DPP10: variants seen among roughly 807,000 people sequenced by gnomAD.
DPP10 encodes the protein inactive dipeptidyl peptidase 10.
Under a neutral mutation model 120.9 loss-of-function variants are expected in DPP10, and 33 were observed. The observed-to-expected ratio is 0.27, with a 90% CI of 0.21 to 0.37. DPP10 has a LOEUF of 0.37. Ranked by LOEUF, DPP10 falls within the 10% of genes least tolerant of loss-of-function variation. The pLI, the probability that DPP10 is intolerant of heterozygous loss-of-function variation, is 1.00. For missense variants in DPP10, 816 were observed against 942.8 expected, an observed-to-expected ratio of 0.87 and a Z score of 1.76; for synonymous variants, 337 against 326.1, an observed-to-expected ratio of 1.03 and a Z score of -0.36.
In DPP10 at chr2:115,324,208, G is replaced by A. The variant is rs768572934; in HGVS notation, c.175+14855G>A. Reference sequence around the variant, plus strand: ...GGAGAATCACTTGAACCCAGGAGGTGGAGGTTGCAGTGAGCTGAGATCGCA... The same window carrying A: ...GGAGAATCACTTGAACCCAGGAGGTAGAGGTTGCAGTGAGCTGAGATCGCA... On this transcript the variant is annotated intron_variant, in intron 2 of 25. Coordinates refer to ENST00000410059, the MANE Select transcript of DPP10 (RefSeq NM_020868.6). Among the ~76,000 whole-genome samples the A allele has an allele frequency of 1.7e-4, 26 of 152,226 alleles. 1 individual carries two copies. The highest frequency in any genetic ancestry group is 3.4e-3 in the Middle Eastern group (1 of 294).
chr2:114,546,741 G>T (rs1055232294), intron 1 of DPP10, among the ~76,000 whole-genome samples: 2 of 152,202 alleles, frequency 1.3e-5, no homozygotes, highest in Non-Finnish European at 2.9e-5. Context: ...TTGAGGCTCT[G>T]TATGAGTCTG....
intron 1 of DPP10, among the ~76,000 whole-genome samples, chr2:115,109,328 G>C (rs1365345297): frequency 6.6e-6 from 1 of 152,102 alleles, no homozygotes; most frequent in Non-Finnish European, 1.5e-5. Context: ...ACGACGTCAG[G>C]AGATCGAGAC....
chr2:115,650,410 AG>A (rs55765727), intron 5 of DPP10, among the ~76,000 whole-genome samples: 62,366 of 129,682 alleles, frequency 0.48, 16,093 homozygotes, highest in Non-Finnish European at 0.61. Context: ...GCATGGGGAA[AG>A]GGGGGGGGGG....
chr2:115,253,124 G>A (rs1396247828), intron 1 of DPP10, among the ~76,000 whole-genome samples: 1 of 152,130 alleles, frequency 6.6e-6, no homozygotes, highest in Non-Finnish European at 1.5e-5. Context: ...GGAAGAAGGT[G>A]AAGCAGGAGC....
intron 1 of DPP10, among the ~76,000 whole-genome samples, chr2:115,017,484 C>T (rs553092348): frequency 6.6e-6 from 1 of 152,160 alleles, no homozygotes; most frequent in Non-Finnish European, 1.5e-5. Flanking sequence ...ACCATTTGAC[C>T]CAGCCATTCC....
chr2:115,777,254 G>A lies in DPP10; in HGVS notation c.1268G>A (p.Trp423Ter). 1.2e-6 allele frequency: 2 copies of A among 1,613,160 alleles called. No homozygotes were observed. The highest frequency in any genetic ancestry group is 1.3e-5 in the African/African-American group (1 of 74,960). The change falls in exon 14 of 26, where the codon TGG becomes TAG. Residue 423 changes from tryptophan to a stop codon, truncating the protein, a stop_gained. Coordinates refer to ENST00000410059, the MANE Select transcript of DPP10 (RefSeq NM_020868.6). LOFTEE classifies it high-confidence loss of function. Reference protein sequence around the residue: ...ITVRHLTSGNWEVIKILAYDE... With the variant: ...ITVRHLTSGN ...GTGCGGCATCTGACATCAGGAAACT[G>A]GGAAGTGATAAAGATCTTGGCATAC... is the stretch of plus-strand genomic sequence containing the variant.
intron 1 of DPP10, among the ~76,000 whole-genome samples, chr2:115,114,560 C>T (rs1395986335): frequency 6.6e-6 from 1 of 152,170 alleles, no homozygotes; most frequent in Non-Finnish European, 1.5e-5. Context: ...ACATGTGCCA[C>T]CAAACACCCC....
At chr2:114,554,557 G>T (rs1688138778) in intron 1 of DPP10, among the ~76,000 whole-genome samples, 1 of 152,230 alleles carries the variant, frequency 6.6e-6, no homozygotes, top group South Asian at 2.1e-4. Flanking sequence ...ATGAGGTTGT[G>T]AGGGATCAAA....
At chr2:115,100,236 G>C (rs781477002) in intron 1 of DPP10, among the ~76,000 whole-genome samples, 1 of 152,142 alleles carries the variant, frequency 6.6e-6, no homozygotes, top group Non-Finnish European at 1.5e-5. Context: ...CTTGACATGA[G>C]TTCGAGGCCA....
chr2:114,484,869 A>G (rs1181417220), intron 1 of DPP10, among the ~76,000 whole-genome samples: 5 of 152,260 alleles, frequency 3.3e-5, no homozygotes, highest in Admixed American at 1.3e-4. Context: ...AGGTTTTTGC[A>G]GCTACTTCCA....
intron 1 of DPP10, among the ~76,000 whole-genome samples, chr2:115,086,845 C>T (rs1487030286): frequency 1.9e-5 from 1 of 52,482 alleles, no homozygotes; most frequent in Non-Finnish European, 6.5e-5. Flanking sequence ...ACCTTGGGCA[C>T]ATGTCAGGAC....
intron 4 of DPP10, among the ~76,000 whole-genome samples, chr2:115,524,551 G>T (rs1054371371): frequency 6.6e-6 from 1 of 152,064 alleles, no homozygotes; most frequent in Non-Finnish European, 1.5e-5. Flanking sequence ...TCTAAGCAAG[G>T]TTTCATCACT....
chr2:114,965,760 C>T (rs981640330), intron 1 of DPP10, among the ~76,000 whole-genome samples: 14 of 151,396 alleles, frequency 9.2e-5, no homozygotes, highest in East Asian at 2.0e-4. Context: ...GGGCGGATCA[C>T]GAGGTCAGGA....
chr2:115,274,994 A>G lies in DPP10; in HGVS notation c.61-34245A>G, dbSNP rs76104539. On this transcript the variant is annotated intron_variant, in intron 1 of 25. Transcript: ENST00000410059. ...CCTATTTTGTTTTCTTTTATATTAGAAATAGTCCATGGCATCTTGACAAGG... is the reference window on the plus strand; with the variant it reads ...CCTATTTTGTTTTCTTTTATATTAGGAATAGTCCATGGCATCTTGACAAGG... Among the ~76,000 whole-genome samples, 607 of 152,326 alleles carry G rather than the reference A, an allele frequency of 4.0e-3. 4 individuals carry two copies. The highest frequency in any genetic ancestry group is 0.014 in the African/African-American group (593 of 41,570).
chr2:115,233,138 A>G (rs2057822043), intron 1 of DPP10, among the ~76,000 whole-genome samples: 2 of 152,002 alleles, frequency 1.3e-5, no homozygotes, highest in South Asian at 4.1e-4. Context: ...CAATGAAGTA[A>G]TTTATTCTGT....
At chr2:115,618,639 T>A (rs2084704867) in intron 5 of DPP10, among the ~76,000 whole-genome samples, 1 of 152,206 alleles carries the variant, frequency 6.6e-6, no homozygotes, top group Non-Finnish European at 1.5e-5. Flanking sequence ...TTCTGGTTTA[T>A]CTACACATAC....
At chr2:114,729,965 A>G (rs965332423) in intron 1 of DPP10, among the ~76,000 whole-genome samples, 4 of 152,340 alleles carry the variant, frequency 2.6e-5, no homozygotes, top group Non-Finnish European at 5.9e-5. Flanking sequence ...ATTTCTGCCT[A>G]CTTGTCAATA....
intron 5 of DPP10, among the ~76,000 whole-genome samples, chr2:115,674,574 A>T (rs1254186885): frequency 6.6e-6 from 1 of 152,080 alleles, no homozygotes; most frequent in Non-Finnish European, 1.5e-5. Flanking sequence ...TGTGTTTGGC[A>T]TTTTCAAGGC....
chr2:114,450,801 A>C (rs910435859), intron 1 of DPP10, among the ~76,000 whole-genome samples: 3 of 151,966 alleles, frequency 2.0e-5, no homozygotes, highest in Non-Finnish European at 2.9e-5. Flanking sequence ...AACAGAGACA[A>C]CCCCTGTTGT....
Sources: allele counts gnomAD v4.1 joint callset (sites outside exome capture counted in the v4.1 genomes callset), GRCh38; gene constraint gnomAD v4.1.1; transcripts MANE v1.5; gene names NCBI Gene and HGNC (gene_info 2026-07-23, HGNC 2026-07-21).